COQ8A: variants seen among roughly 807,000 people sequenced by gnomAD.
The protein encoded by COQ8A is atypical kinase COQ8A, mitochondrial.
A neutral mutation model predicts 65.0 loss-of-function variants in COQ8A; 51 were observed. The observed-to-expected ratio is 0.78, with a 90% confidence interval of 0.63 to 0.99. The LOEUF (loss-of-function observed/expected upper bound fraction) is 0.99, where lower values mean the gene tolerates loss of function less well. Ranked by LOEUF, COQ8A falls within the 50% of genes least tolerant of loss-of-function variation. The pLI is 0.00. For missense variants in COQ8A, 940 were observed against 875.0 expected (o/e 1.07, Z -0.94); for synonymous variants, 371 against 353.2 (o/e 1.05, Z -0.57).
At chr1:226,973,357 A>G (rs1659010154) in intron 4 of COQ8A, among the ~76,000 whole-genome samples, 1 of 152,148 alleles carries the variant, frequency 6.6e-6, no homozygotes, top group Non-Finnish European at 1.5e-5. Context: ...AGAGGTTCTT[A>G]TTCTCTCCTG....
Position 226,954,217 on chromosome 1 carries a change from T to C in COQ8A, c.-9-7160T>C, listed in dbSNP as rs184554387. On this transcript the variant is annotated intron_variant, in intron 1 of 14. Coordinates refer to ENST00000366777, the MANE Select transcript of COQ8A (RefSeq NM_020247.5). ...CTAAGCTCATTCACTTTTGATTTCC[T>C]TTTTCTGTTTCTTGAAGAATAATGG... 6.0e-3 allele frequency among the ~76,000 whole-genome samples: 918 copies of C among 152,358 alleles called. 11 individuals are homozygous for C. Among genetic ancestry groups the C allele is most frequent in the African/African-American group, 0.021 (864 of 41,586 alleles).
chr1:226,961,706 C>T (rs1658265915), intron 2 of COQ8A, 144 bp downstream of exon 2: 1 of 1,036,508 alleles, frequency 9.6e-7, no homozygotes. Flanking sequence ...TCCCACGGTC[C>T]TTCCAGGGTG....
In COQ8A at chr1:226,987,094, C is replaced by G. The variant is rs981996174; in HGVS notation, c.*357C>G. On this transcript the variant is annotated 3_prime_UTR_variant, in exon 15 of 15. Transcript: ENST00000366777. ...TCCAATCTCTGTTCAGTGCAAAACC[C>G]AGAAACATGAACAGATACGATTGTG... 1 of 341,512 alleles carries G rather than the reference C, an allele frequency of 2.9e-6. No individual in the cohort carries two copies. The highest frequency in any genetic ancestry group is 2.1e-5 in the African/African-American group (1 of 46,960). The allele number at this position is 341,512 out of a possible 1,614,324, so 21.2% of individuals were successfully genotyped here. A position where few individuals can be genotyped will look rare whatever the true frequency, so the allele number is the denominator to read the frequency against.
intron 1 of COQ8A, among the ~76,000 whole-genome samples, chr1:226,957,281 G>GGC (rs1296588868): frequency 1.2e-3 from 34 of 29,222 alleles, no homozygotes; most frequent in East Asian, 7.2e-3. Flanking sequence ...CACTCTCCCT[G>GGC]CCCCCCCCCC....
chr1:226,942,954 G>T (rs1453965212), intron 1 of COQ8A, among the ~76,000 whole-genome samples: 2 of 152,156 alleles, frequency 1.3e-5, no homozygotes, highest in African/African-American at 4.8e-5. Flanking sequence ...CAGAAAAACT[G>T]AAAAACAGGG....
At chr1:226,960,434 T>TTGGTGGTGC in intron 1 of COQ8A, among the ~76,000 whole-genome samples, 1 of 52,346 alleles carries the variant, frequency 1.9e-5, no homozygotes, top group Non-Finnish European at 4.0e-5. Context: ...GTGGTGGTAC[T>TTGGTGGTGC]TGGTGGTACT....
At position 226,983,796 on chromosome 1, in the gene COQ8A, C is replaced by G. The variant is rs541836846; in HGVS notation, c.1198C>G (p.Arg400Gly). 1.9e-6 allele frequency: 3 copies of G among 1,612,628 alleles called. No homozygotes were observed. In the South Asian group the frequency reaches 3.3e-5, roughly 18 times the overall value. Residue 400 changes from arginine (R) to glycine (G), a missense_variant, in exon 10 of 15, where the codon CGG becomes GGG. Arg to Gly is a moderately radical substitution (Grantham distance 125). Transcript: ENST00000366777. ...CGAGCACCTGATCGACGTGCTGAGG[C>G]GGGAGCTGGCCCTGGAGTGTGACTA... Reference protein sequence around the residue: ...FPEHLIDVLRRELALECDYQR... With the variant: ...FPEHLIDVLRGELALECDYQR...
intron 14 of COQ8A, 91 bp from the exon 15 acceptor site, chr1:226,986,362 G>A: frequency 7.0e-7 from 1 of 1,423,666 alleles, no homozygotes; most frequent in Non-Finnish European, 9.7e-7. Flanking sequence ...CTTTGAATGA[G>A]AACTCAGCGC....
chr1:226,950,274 C>T (rs750636860), intron 1 of COQ8A, among the ~76,000 whole-genome samples: 44 of 152,198 alleles, frequency 2.9e-4, no homozygotes, highest in Admixed American at 5.2e-4. Flanking sequence ...ATATCACCCC[C>T]AACCCTGCCC....
In COQ8A at chr1:226,982,887, C is replaced by G. The variant is rs1162850190; in HGVS notation, c.940-7C>G. 6.2e-7 allele frequency: 1 copy of G among 1,612,754 alleles called. No individual in the cohort carries two copies. Among genetic ancestry groups the G allele is most frequent in the South Asian group, 1.1e-5 (1 of 91,064 alleles). On this transcript the variant is annotated splice_region_variant and splice_polypyrimidine_tract_variant and intron_variant, in intron 7 of 14. Coordinates refer to ENST00000366777, the MANE Select transcript of COQ8A (RefSeq NM_020247.5). ...GCTCAGAGCCCCTCCCTGGCCCTGC[C>G]CTTCAGAAAACTCTCAACAACGACC...
In COQ8A at chr1:226,984,034, TGG is replaced by T. The variant is rs201300405; in HGVS notation, c.1257-51_1257-50del. Reference sequence around the variant, plus strand: ...CCTCTGCCTGGTTGGGGGGTGTGTGTGGGGGGGGGGACGGTGTGGAGGGCCTG... The same window carrying T: ...CCTCTGCCTGGTTGGGGGGTGTGTGTGGGGGGGGACGGTGTGGAGGGCCTG... On this transcript the variant is annotated intron_variant, in intron 10 of 14. Transcript: ENST00000366777. 1.4e-4 allele frequency: 184 copies of T among 1,276,676 alleles called. No individual in the cohort carries two copies. In the African/African-American group the frequency reaches 2.2e-3, roughly 15 times the overall value. 79.1% of individuals were successfully genotyped at this position (1,276,676 alleles called of 1,614,324 possible). A position where few individuals can be genotyped will look rare whatever the true frequency, so the allele number is the denominator to read the frequency against.
At chr1:226,955,993 G>A (rs71648409) in intron 1 of COQ8A, among the ~76,000 whole-genome samples, 1 of 91,944 alleles carries the variant, frequency 1.1e-5, no homozygotes, top group Non-Finnish European at 2.0e-5. Flanking sequence ...GCCACTCCCT[G>A]GTTCACACTC....
intron 1 of COQ8A, among the ~76,000 whole-genome samples, chr1:226,960,245 CCT>C (rs1658083407): frequency 3.0e-5 from 1 of 33,726 alleles, no homozygotes; most frequent in African/African-American, 1.2e-4. Context: ...TGGTGGTGGT[CCT>C]TGGTGGTGGT....
intron 1 of COQ8A, among the ~76,000 whole-genome samples, chr1:226,954,617 T>A (rs1286359650): frequency 6.6e-6 from 1 of 152,208 alleles, no homozygotes; most frequent in Non-Finnish European, 1.5e-5. Context: ...GGCCCTTGAT[T>A]CTGTATGTGG....
chr1:226,979,576 A>G (rs1659568512), intron 5 of COQ8A, among the ~76,000 whole-genome samples: 1 of 152,092 alleles, frequency 6.6e-6, no homozygotes, highest in African/African-American at 2.4e-5. Context: ...ACCCCCGTCC[A>G]TGGGGACCCC....
rs1657226188 is a variant in COQ8A, at chr1:226,949,209, G to T, written c.-10+8810G>T. Among the ~76,000 whole-genome samples, 2 of 152,028 alleles carry T rather than the reference G, an allele frequency of 1.3e-5. No individual in the cohort carries two copies. Among genetic ancestry groups the T allele is most frequent in the Admixed American group, 1.3e-4 (2 of 15,252 alleles). On this transcript the variant is annotated intron_variant, in intron 1 of 14. Coordinates refer to ENST00000366777, the MANE Select transcript of COQ8A (RefSeq NM_020247.5). The surrounding 1 kb of genome is among the most constrained non-coding windows in gnomAD (Gnocchi z 4.0). ...TCGCGCGTAGCTGGAGGCTGGAAAGGAGGCCGGGGGCCTGATTTCGATGCC... is the reference window on the plus strand; with the variant it reads ...TCGCGCGTAGCTGGAGGCTGGAAAGTAGGCCGGGGGCCTGATTTCGATGCC...
chr1:226,940,316 G>T lies in COQ8A; in HGVS notation c.-93G>T, dbSNP rs879366120. The T allele has an allele frequency of 6.6e-6, 1 of 152,402 alleles. No homozygotes were observed. Among genetic ancestry groups the T allele is most frequent in the Non-Finnish European group, 1.5e-5 (1 of 68,262 alleles). 9.4% of individuals were successfully genotyped at this position (152,402 alleles called of 1,614,324 possible). A position where few individuals can be genotyped will look rare whatever the true frequency, so the allele number is the denominator to read the frequency against. On this transcript the variant is annotated 5_prime_UTR_variant, in exon 1 of 15. Coordinates refer to ENST00000366777, the MANE Select transcript of COQ8A (RefSeq NM_020247.5). ...GGTAAACAGATCCGGAGCGCGTGGC[G>T]GGCGTCAGCGCGGTGGCCAGCGCGC...
rs1456554597 is a variant in COQ8A, at chr1:226,978,746, T to TACATCTTCC, written c.730+1226_730+1227insTCTTCCACA. ...CCCACCTCATACCTGCACACCTCCT[T>TACATCTTCC]ACACACCCACCTCACACCCGCATAC... On this transcript the variant is annotated intron_variant, in intron 5 of 14. Coordinates refer to ENST00000366777, the MANE Select transcript of COQ8A (RefSeq NM_020247.5). Among the ~76,000 whole-genome samples, 64 of 64,242 alleles carry TACATCTTCC rather than the reference T, an allele frequency of 1.0e-3. 1 individual carries two copies. Among genetic ancestry groups the TACATCTTCC allele is most frequent in the African/African-American group, 2.5e-3 (59 of 23,698 alleles). The allele number at this position is 64,242 out of a possible 152,430, so 42.1% of individuals were successfully genotyped here.
chr1:226,948,556 C>T (rs1226871479), intron 1 of COQ8A, among the ~76,000 whole-genome samples: 13 of 152,192 alleles, frequency 8.5e-5, no homozygotes, highest in Non-Finnish European at 1.8e-4. Flanking sequence ...ACCCTGTAAG[C>T]GTCTGAAAGA....
Sources: gnomAD v4.1 joint callset for allele counts (sites outside exome capture counted in the v4.1 genomes callset) on GRCh38, gnomAD v4.1.1 for gene constraint, Gnocchi (gnomAD v3.1) non-coding constraint, MANE v1.5 for transcripts, NCBI Gene and HGNC (gene_info 2026-07-23, HGNC 2026-07-21) for gene names.